MXD1: variants seen among roughly 807,000 people sequenced by gnomAD.
MXD1 encodes the protein MAX-binding protein.
MXD1 carries 9 observed loss-of-function variants against 25.7 expected under a neutral mutation model. The ratio of observed to expected loss-of-function variants is 0.35; its 90% CI spans 0.21 to 0.61. The LOEUF (loss-of-function observed/expected upper bound fraction) is 0.61, where lower values mean the gene tolerates loss of function less well. MXD1 is among the 20% of genes least tolerant of loss of function. The pLI, the probability that MXD1 is intolerant of heterozygous loss-of-function variation, is 0.75. For missense variants in MXD1, 227 were observed against 292.4 expected, an observed-to-expected ratio of 0.78 and a Z score of 1.63; for synonymous variants, 99 against 113.9, an observed-to-expected ratio of 0.87 and a Z score of 0.83.
chr2:69,924,527 A>G (rs146610059), intron 3 of MXD1, among the ~76,000 whole-genome samples: 1 of 152,308 alleles, frequency 6.6e-6, no homozygotes, highest in Non-Finnish European at 1.5e-5. Context: ...TCTTATTAGC[A>G]TGGATGCTTA....
chr2:69,934,065 C>CTTA (rs1677363045), intron 3 of MXD1, among the ~76,000 whole-genome samples: 1 of 152,218 alleles, frequency 6.6e-6, no homozygotes, highest in Non-Finnish European at 1.5e-5. Flanking sequence ...TCAGCAAACA[C>CTTA]TTATTAAGCA....
chr2:69,916,320 T>G, intron 2 of MXD1, 100 bp downstream of exon 2: 1 of 724,880 alleles, frequency 1.4e-6, no homozygotes, highest in Admixed American at 2.6e-5. Context: ...CCTATAAAAT[T>G]ACATTGTGGC....
At chr2:69,923,061 A>G (rs777513043) in intron 3 of MXD1, among the ~76,000 whole-genome samples, 1 of 151,508 alleles carries the variant, frequency 6.6e-6, no homozygotes, top group Non-Finnish European at 1.5e-5. Context: ...AAAAACACAC[A>G]AAACACCCAA....
Position 69,938,277 on chromosome 2 carries a change from G to C in MXD1, c.659G>C (p.Gly220Ala), listed in dbSNP as rs774081091. Residue 220 changes from glycine (G) to alanine (A), a missense_variant, in exon 6 of 6, where the codon GGT becomes GCT. Transcript: ENST00000264444. ...CAGGACAGTCACAAGGCGTGTCTTG[G>C]TCTCTAAGAGAGTGGGCACTGCGGC... ...KLQDSHKACL[G>A]L 1.9e-6 allele frequency: 3 copies of C among 1,614,048 alleles called. No individual in the cohort carries two copies. The highest frequency in any genetic ancestry group is 1.3e-5 in the African/African-American group (1 of 75,034).
At chr2:69,930,520 A>C (rs1294040659) in intron 3 of MXD1, among the ~76,000 whole-genome samples, 1 of 152,104 alleles carries the variant, frequency 6.6e-6, no homozygotes, top group African/African-American at 2.4e-5. Flanking sequence ...GCCTTATAAA[A>C]CCCTTGCTAA....
intron 2 of MXD1, among the ~76,000 whole-genome samples, chr2:69,921,016 C>A (rs932720117): frequency 6.6e-6 from 1 of 152,054 alleles, no homozygotes; most frequent in Non-Finnish European, 1.5e-5. Flanking sequence ...GTAAATAATT[C>A]GTAATTATTT....
chr2:69,935,087 A>G (rs1166979187), intron 3 of MXD1, among the ~76,000 whole-genome samples: 2 of 152,214 alleles, frequency 1.3e-5, no homozygotes, highest in African/African-American at 2.4e-5. Flanking sequence ...ACACATGTGA[A>G]TGACTATATA....
At chr2:69,922,906 C>A (rs1458773092) in intron 3 of MXD1, among the ~76,000 whole-genome samples, 1 of 148,524 alleles carries the variant, frequency 6.7e-6, no homozygotes, top group East Asian at 2.0e-4. Flanking sequence ...AGTAGAGTGA[C>A]TAATGTAATC....
intron 2 of MXD1, among the ~76,000 whole-genome samples, chr2:69,917,068 C>G (rs1161069156): frequency 1.3e-5 from 2 of 152,184 alleles, no homozygotes; most frequent in African/African-American, 4.8e-5. Context: ...AAATTAAAAG[C>G]ATTGACCTTT....
chr2:69,919,421 T>C (rs555820494), intron 2 of MXD1, among the ~76,000 whole-genome samples: 84 of 152,324 alleles, frequency 5.5e-4, no homozygotes, highest in Non-Finnish European at 1.0e-3. Flanking sequence ...CTCGACTTAC[T>C]ACAACCTCTA....
intron 3 of MXD1, among the ~76,000 whole-genome samples, chr2:69,924,779 A>G (rs1677139167): frequency 6.6e-6 from 1 of 152,062 alleles, no homozygotes; most frequent in African/African-American, 2.4e-5. Context: ...AAGAAAAGAC[A>G]ACTTAGGAAA....
At chr2:69,935,272 CTT>C in intron 3 of MXD1, 77 bp from the exon 4 acceptor site, 2 of 1,017,932 alleles carry the variant, frequency 2.0e-6, no homozygotes, top group Non-Finnish European at 3.1e-6. Flanking sequence ...ACTTCACACT[CTT>C]TGAGAACTCA....
intron 5 of MXD1, among the ~76,000 whole-genome samples, chr2:69,937,829 G>A (rs1042227303): frequency 6.6e-6 from 1 of 152,168 alleles, no homozygotes; most frequent in Non-Finnish European, 1.5e-5. Flanking sequence ...GGCCAGGCTG[G>A]TCTCGAACTC....
At chr2:69,936,712 A>G (rs1232494724) in intron 4 of MXD1, among the ~76,000 whole-genome samples, 2 of 152,238 alleles carry the variant, frequency 1.3e-5, no homozygotes, top group Non-Finnish European at 2.9e-5. Context: ...GACAAATTAG[A>G]ATCAGGACAT....
chr2:69,919,534 G>A (rs113786399), intron 2 of MXD1, among the ~76,000 whole-genome samples: 3 of 151,774 alleles, frequency 2.0e-5, no homozygotes, highest in East Asian at 2.0e-4. Flanking sequence ...TAGTAAAGAC[G>A]GGGTTTCGCC....
chr2:69,935,256 TG>T, intron 3 of MXD1, 94 bp from the exon 4 acceptor site: 2 of 849,648 alleles, frequency 2.4e-6, no homozygotes, highest in Non-Finnish European at 4.0e-6. Flanking sequence ...TCGCAAGGCC[TG>T]GGCAACTTCA....
Position 69,938,325 on chromosome 2 carries a change from GT to G in MXD1, c.*43del. 1 of 1,603,364 alleles carries G rather than the reference GT, an allele frequency of 6.2e-7. No homozygotes were observed. Among genetic ancestry groups the G allele is most frequent in the Non-Finnish European group, 8.5e-7 (1 of 1,172,916 alleles). ...GGCTGTCTCCTTGAAGGTTCTCCCTGTTGGTTCTGATTAGGTAACGTATTGG... is the reference window on the plus strand; with the variant it reads ...GGCTGTCTCCTTGAAGGTTCTCCCTGTGGTTCTGATTAGGTAACGTATTGG... On this transcript the variant is annotated 3_prime_UTR_variant, in exon 6 of 6. Coordinates refer to ENST00000264444, the MANE Select transcript of MXD1 (RefSeq NM_002357.4).
rs1676947115 is a variant in MXD1, at chr2:69,915,608, C to T, written c.73+205C>T. Among the ~76,000 whole-genome samples the T allele has an allele frequency of 6.6e-6, 1 of 152,218 alleles. No homozygotes were observed. The highest frequency in any genetic ancestry group is 2.1e-4 in the South Asian group (1 of 4,838). On this transcript the variant is annotated intron_variant, in intron 1 of 5. Transcript: ENST00000264444. The surrounding 1 kb of genome is among the most constrained non-coding windows in gnomAD (Gnocchi z 5.8). ...AATGAATGGGGTGGAGAAGGGGCTGCCGCCCGCCGGGGTCCCGAACGCCGC... is the reference window on the plus strand; with the variant it reads ...AATGAATGGGGTGGAGAAGGGGCTGTCGCCCGCCGGGGTCCCGAACGCCGC...
At chr2:69,927,882 A>C (rs1044857065) in intron 3 of MXD1, among the ~76,000 whole-genome samples, 3 of 152,196 alleles carry the variant, frequency 2.0e-5, no homozygotes, top group African/African-American at 7.2e-5. Context: ...GTTCCAATTA[A>C]GTTGGTAATA....
Sources: gnomAD v4.1 joint callset for allele counts (sites outside exome capture counted in the v4.1 genomes callset) on GRCh38, gnomAD v4.1.1 for gene constraint, Gnocchi (gnomAD v3.1) non-coding constraint, MANE v1.5 for transcripts, NCBI Gene and HGNC (gene_info 2026-07-23, HGNC 2026-07-21) for gene names.